The following DPP6 variants were observed in gnomAD, a reference collection of about 807,000 sequenced individuals.
DPP6 encodes the protein A-type potassium channel modulatory protein DPP6.
Under a neutral mutation model 122.6 loss-of-function variants are expected in DPP6, and 69 were observed. That is an observed-to-expected ratio of 0.56 (90% CI 0.46 to 0.69). The LOEUF is 0.69. DPP6 is among the 30% of genes least tolerant of loss of function. The pLI, the probability that DPP6 is intolerant of heterozygous loss-of-function variation, is 0.00. For missense variants in DPP6, 928 were observed against 1,116.9 expected, an observed-to-expected ratio of 0.83 and a Z score of 2.41; for synonymous variants, 418 against 433.1, an observed-to-expected ratio of 0.97 and a Z score of 0.43.
At chr7:154,498,919 C>G (rs1824982137) in intron 3 of DPP6, among the ~76,000 whole-genome samples, 1 of 152,172 alleles carries the variant, frequency 6.6e-6, no homozygotes, top group Non-Finnish European at 1.5e-5. Flanking sequence ...TATTCTATAT[C>G]CCTGCTCTGC....
intron 1 of DPP6, among the ~76,000 whole-genome samples, chr7:154,006,759 A>G (rs1563094671): frequency 6.6e-6 from 1 of 152,262 alleles, no homozygotes; most frequent in Non-Finnish European, 1.5e-5. Flanking sequence ...CACTTAAAAG[A>G]CTATCTGCAC....
upstream of DPP6, among the ~76,000 whole-genome samples, chr7:154,051,902 G>T (rs1432868507): frequency 1.3e-5 from 2 of 151,610 alleles, no homozygotes; most frequent in Non-Finnish European, 2.9e-5. Context: ...CCTCCTGGTG[G>T]CTCTCCCACG....
chr7:154,029,877 GA>G (rs199532607), intron 1 of DPP6, among the ~76,000 whole-genome samples: 2 of 150,302 alleles, frequency 1.3e-5, no homozygotes, highest in East Asian at 3.9e-4. Context: ...AAGAAAAAAA[GA>G]AAAAAATTGC....
At chr7:154,649,003 C>G (rs2316234) in intron 6 of DPP6, among the ~76,000 whole-genome samples, 21,778 of 152,042 alleles carry the variant, frequency 0.14, 1,780 homozygotes, top group African/African-American at 0.23. Flanking sequence ...AAGCTCCCCA[C>G]AAGCAAGACT....
intron 1 of DPP6, among the ~76,000 whole-genome samples, chr7:154,427,120 T>A (rs1817984211): frequency 6.6e-6 from 1 of 152,202 alleles, no homozygotes; most frequent in Non-Finnish European, 1.5e-5. Context: ...TATCTTATAA[T>A]CACATTTTCA....
intron 16 of DPP6, among the ~76,000 whole-genome samples, chr7:154,850,895 A>G (rs893201213): frequency 3.9e-5 from 6 of 152,238 alleles, no homozygotes; most frequent in African/African-American, 1.4e-4. Flanking sequence ...AAACTTTAGA[A>G]AAACTAACTT....
chr7:154,436,396 C>A (rs1486491570), intron 1 of DPP6, among the ~76,000 whole-genome samples: 1 of 151,926 alleles, frequency 6.6e-6, no homozygotes, highest in African/African-American at 2.4e-5. Context: ...TGCCCCAACA[C>A]CTCAGTAAAA....
At chr7:154,866,779 T>G (rs1185269335) in intron 17 of DPP6, among the ~76,000 whole-genome samples, 3 of 152,232 alleles carry the variant, frequency 2.0e-5, no homozygotes, top group African/African-American at 7.2e-5. Flanking sequence ...CAAGTCATTT[T>G]CATTTTATGT....
intron 5 of DPP6, among the ~76,000 whole-genome samples, chr7:154,632,440 G>A (rs1424853326): frequency 6.6e-6 from 1 of 152,118 alleles, no homozygotes; most frequent in African/African-American, 2.4e-5. Context: ...AGTAGGGGAA[G>A]CAAGGGGTCA....
intron 1 of DPP6, among the ~76,000 whole-genome samples, chr7:154,325,300 A>T (rs1322671901): frequency 6.6e-6 from 1 of 152,096 alleles, no homozygotes; most frequent in Non-Finnish European, 1.5e-5. Context: ...CCAGTGTCTC[A>T]CCAGCCATTC....
intron 16 of DPP6, among the ~76,000 whole-genome samples, chr7:154,841,238 G>A (rs1211308105): frequency 1.3e-5 from 2 of 152,090 alleles, no homozygotes; most frequent in Admixed American, 6.5e-5. Context: ...GGGCTCAGTC[G>A]GGGCGAACGA....
At chr7:154,232,471 CTCTG>C (rs913768580) in intron 1 of DPP6, among the ~76,000 whole-genome samples, 4 of 152,134 alleles carry the variant, frequency 2.6e-5, no homozygotes, top group African/African-American at 9.7e-5. Flanking sequence ...GAACAAGAAA[CTCTG>C]TCTGGATTGG....
chr7:154,201,765 G>A (rs1288729739), intron 1 of DPP6, among the ~76,000 whole-genome samples: 1 of 152,186 alleles, frequency 6.6e-6, no homozygotes, highest in East Asian at 1.9e-4. Flanking sequence ...TGAAAGGAAA[G>A]TGTAACCACA....
At chr7:154,429,940 G>A (rs572657942) in intron 1 of DPP6, among the ~76,000 whole-genome samples, 1 of 152,312 alleles carries the variant, frequency 6.6e-6, no homozygotes, top group Admixed American at 6.5e-5. Context: ...CTGGCCTGGT[G>A]CTGTCTGGTT....
At chr7:153,808,197 G>C in the DPP6 span, among the ~76,000 whole-genome samples, 3 of 130,226 alleles carry the variant, frequency 2.3e-5, no homozygotes, top group African/African-American at 6.2e-5. Flanking sequence ...GTGTGTGTGT[G>C]TGCCTGAGTG....
intron 5 of DPP6, chr7:154,587,532 T>C: frequency 9.3e-7 from 1 of 1,076,074 alleles, no homozygotes; most frequent in East Asian, 2.6e-5. Context: ...AATGTGAACA[T>C]TGCCCATTGA....
intron 1 of DPP6, among the ~76,000 whole-genome samples, chr7:154,279,198 A>G (rs1804344227): frequency 6.6e-6 from 1 of 151,650 alleles, no homozygotes; most frequent in Non-Finnish European, 1.5e-5. Flanking sequence ...GACATGTGTG[A>G]GTATGTGAGT....
At chr7:154,271,904 A>G (rs940015477) in intron 1 of DPP6, among the ~76,000 whole-genome samples, 1 of 152,218 alleles carries the variant, frequency 6.6e-6, no homozygotes, top group African/African-American at 2.4e-5. Flanking sequence ...CCTTACAGGA[A>G]GATGTTGCCT....
At chr7:154,806,209 C>G (rs1045239565) in intron 15 of DPP6, among the ~76,000 whole-genome samples, 2 of 152,236 alleles carry the variant, frequency 1.3e-5, no homozygotes, top group African/African-American at 4.8e-5. Flanking sequence ...AGGTTGTCTT[C>G]TCTCTCCCGT....
Sources: allele counts gnomAD v4.1 joint callset (sites outside exome capture counted in the v4.1 genomes callset), GRCh38; gene constraint gnomAD v4.1.1; transcripts MANE v1.5; gene names NCBI Gene and HGNC (gene_info 2026-07-23, HGNC 2026-07-21).